Variants in P3H2 observed in about 807,000 individuals in gnomAD.
P3H2 encodes the protein prolyl 3-hydroxylase 2.
A neutral mutation model predicts 87.0 loss-of-function variants in P3H2; 80 were observed. That is an observed-to-expected ratio of 0.92 (90% CI 0.77 to 1.11). The LOEUF (loss-of-function observed/expected upper bound fraction) is 1.11, where lower values mean the gene tolerates loss of function less well. P3H2 is among the 50% of genes least tolerant of loss of function. P3H2 has a pLI of 0.00. For missense variants in P3H2, 1,001 were observed against 923.9 expected, an observed-to-expected ratio of 1.08 and a Z score of -1.08; for synonymous variants, 367 against 359.3, an observed-to-expected ratio of 1.02 and a Z score of -0.24.
At chr3:190,040,765 A>G (rs930682368) in intron 1 of P3H2, among the ~76,000 whole-genome samples, 1 of 151,986 alleles carries the variant, frequency 6.6e-6, no homozygotes, top group African/African-American at 2.4e-5. Context: ...TATGCAAAAA[A>G]TGAGCTGATT....
chr3:190,006,082 A>C (rs1235337492), intron 1 of P3H2, among the ~76,000 whole-genome samples: 1 of 152,236 alleles, frequency 6.6e-6, no homozygotes, highest in East Asian at 1.9e-4. Context: ...CAGCCAAGAG[A>C]CTATATTAGA....
chr3:190,107,684 T>C (rs1189577284), intron 1 of P3H2, among the ~76,000 whole-genome samples: 1 of 152,206 alleles, frequency 6.6e-6, no homozygotes, highest in Non-Finnish European at 1.5e-5. Context: ...TTAAAAAATC[T>C]TTAAAGCTAC....
chr3:190,007,741 A>G (rs1724430893), intron 1 of P3H2, among the ~76,000 whole-genome samples: 1 of 151,834 alleles, frequency 6.6e-6, no homozygotes, highest in South Asian at 2.1e-4. Context: ...AAATGCTTTT[A>G]TAATTAACAA....
At chr3:190,006,094 AG>A (rs1257278700) in intron 1 of P3H2, among the ~76,000 whole-genome samples, 1 of 152,226 alleles carries the variant, frequency 6.6e-6, no homozygotes, top group African/African-American at 2.4e-5. Context: ...TATATTAGAA[AG>A]AAAGTTCTAG....
chr3:190,003,222 G>T (rs1560357509), intron 1 of P3H2, among the ~76,000 whole-genome samples: 1 of 152,094 alleles, frequency 6.6e-6, no homozygotes, highest in Non-Finnish European at 1.5e-5. Context: ...TCCTGATTCT[G>T]ATTAATAGAC....
chr3:190,015,530 T>G (rs1724725052), intron 1 of P3H2, among the ~76,000 whole-genome samples: 1 of 152,182 alleles, frequency 6.6e-6, no homozygotes, highest in South Asian at 2.1e-4. Context: ...GAAATAGCAC[T>G]GACCCAGGAG....
At chr3:190,063,283 T>C (rs1375478003) in intron 1 of P3H2, among the ~76,000 whole-genome samples, 62 of 152,180 alleles carry the variant, frequency 4.1e-4, no homozygotes, top group Non-Finnish European at 7.4e-5. Flanking sequence ...TAATCTGACA[T>C]GAAGAGACAG....
At chr3:190,012,255 G>A (rs1312830478) in intron 1 of P3H2, among the ~76,000 whole-genome samples, 3 of 146,494 alleles carry the variant, frequency 2.0e-5, no homozygotes, top group Admixed American at 6.7e-5. Flanking sequence ...GGGGGGCGGG[G>A]GACATATTTA....
At chr3:190,003,577 T>C (rs1040009062) in intron 1 of P3H2, among the ~76,000 whole-genome samples, 3 of 151,818 alleles carry the variant, frequency 2.0e-5, no homozygotes, top group African/African-American at 4.8e-5. Context: ...AAGTCATCTG[T>C]GTATTGTCTA....
At chr3:190,074,444 G>A (rs1726803335) in intron 1 of P3H2, among the ~76,000 whole-genome samples, 1 of 152,146 alleles carries the variant, frequency 6.6e-6, no homozygotes, top group Admixed American at 6.5e-5. Flanking sequence ...CCAGGAGGCG[G>A]AGGTTGTAGT....
At chr3:190,066,576 A>C (rs770890052) in intron 1 of P3H2, among the ~76,000 whole-genome samples, 5 of 152,140 alleles carry the variant, frequency 3.3e-5, no homozygotes, top group Admixed American at 6.5e-5. Flanking sequence ...AATCTCACAA[A>C]TCACCACTAA....
chr3:190,024,865 AC>A (rs1725041357), intron 1 of P3H2, among the ~76,000 whole-genome samples: 1 of 152,342 alleles, frequency 6.6e-6, no homozygotes. Flanking sequence ...ATTTCAATTT[AC>A]CTACACATGA....
At position 190,019,610 on chromosome 3, in the gene P3H2, G is replaced by A. The variant is rs1724873178; in HGVS notation, c.481-24168C>T. 2.6e-5 allele frequency among the ~76,000 whole-genome samples: 2 copies of A among 78,254 alleles called. 1 individual carries two copies. The highest frequency in any genetic ancestry group is 1.1e-3 in the South Asian group (2 of 1,904). The allele number at this position is 78,254 out of a possible 152,430, so 51.3% of individuals were successfully genotyped here. On this transcript the variant is annotated intron_variant, in intron 1 of 14. Transcript: ENST00000319332. Reference sequence around the variant, plus strand: ...TGCACATTTTAATAGTAAGAAGACAGATGACCTGGGTCTGTCTTTCATTTT... The same window carrying A: ...TGCACATTTTAATAGTAAGAAGACAAATGACCTGGGTCTGTCTTTCATTTT...
intron 1 of P3H2, among the ~76,000 whole-genome samples, chr3:190,091,491 A>C (rs1302527223): frequency 6.6e-6 from 1 of 152,262 alleles, no homozygotes; most frequent in Non-Finnish European, 1.5e-5. Flanking sequence ...AGGAAGTGTT[A>C]CTACAATATC....
At chr3:190,022,926 A>C (rs1041805796) in intron 1 of P3H2, among the ~76,000 whole-genome samples, 4 of 152,080 alleles carry the variant, frequency 2.6e-5, no homozygotes, top group East Asian at 3.9e-4. Flanking sequence ...TCCCGGGTTC[A>C]CGCCATTCTC....
At chr3:190,034,273 C>T (rs1314680771) in intron 1 of P3H2, among the ~76,000 whole-genome samples, 1 of 152,036 alleles carries the variant, frequency 6.6e-6, no homozygotes, top group Non-Finnish European at 1.5e-5. Context: ...ATGAGAGAGA[C>T]ACCTAAAAAA....
intron 1 of P3H2, among the ~76,000 whole-genome samples, chr3:190,090,745 C>G (rs1727385398): frequency 6.6e-6 from 1 of 151,990 alleles, no homozygotes; most frequent in Admixed American, 6.6e-5. Flanking sequence ...AGAAAACAAA[C>G]TGTAAACCTA....
rs748303654 is a variant in P3H2, at chr3:189,972,934, TA to T, written c.1638del (p.Phe546LeufsTer3). On this transcript the variant is annotated frameshift_variant, in exon 11 of 15. Transcript: ENST00000319332. LOFTEE classifies it high-confidence loss of function. ...EKARRIVESY[F>X]MLNSTLYFSY... ...GAAAAATACAGAGTTGAGTTCAGCA[TA>T]AAATAAGATTCTACAATCCTTCGAG... The T allele has an allele frequency of 1.1e-5, 18 of 1,613,576 alleles. No homozygotes were observed. The highest frequency in any genetic ancestry group is 1.4e-5 in the Non-Finnish European group (16 of 1,179,924).
At chr3:190,008,116 A>C (rs1026790686) in intron 1 of P3H2, among the ~76,000 whole-genome samples, 1 of 151,930 alleles carries the variant, frequency 6.6e-6, no homozygotes, top group Non-Finnish European at 1.5e-5. Flanking sequence ...ATATACTTAC[A>C]TGAATAAGAT....
Sources: gnomAD v4.1 joint callset for allele counts (sites outside exome capture counted in the v4.1 genomes callset) on GRCh38, gnomAD v4.1.1 for gene constraint, MANE v1.5 for transcripts, NCBI Gene and HGNC (gene_info 2026-07-23, HGNC 2026-07-21) for gene names.